The following PCDHA3 variants were observed in gnomAD, a reference collection of about 807,000 sequenced individuals.
PCDHA3 encodes the protein protocadherin alpha 3.
PCDHA3 carries 41 observed loss-of-function variants against 62.2 expected under a neutral mutation model. The observed-to-expected ratio is 0.66, with a 90% CI of 0.51 to 0.86. The LOEUF is 0.86. PCDHA3 is among the 40% of genes least tolerant of loss of function. The pLI, the probability that PCDHA3 is intolerant of heterozygous loss-of-function variation, is 0.00. For missense variants in PCDHA3, 1,304 were observed against 1,241.2 expected (o/e 1.05, Z -0.76); for synonymous variants, 640 against 555.4 (o/e 1.15, Z -2.14).
intron 1 of PCDHA3, among the ~76,000 whole-genome samples, chr5:140,898,780 C>A (rs1424563314): frequency 3.9e-5 from 6 of 152,106 alleles, no homozygotes; most frequent in African/African-American, 1.2e-4. Flanking sequence ...TTACCTTGGG[C>A]AGTATGGCCA....
intron 1 of PCDHA3, chr5:140,822,280 T>G: frequency 1.9e-6 from 3 of 1,614,246 alleles, no homozygotes; most frequent in Non-Finnish European, 2.5e-6. Context: ...ACAATTGAGA[T>G]ACAGGTTAAA....
chr5:140,936,303 T>C (rs1223461427), intron 1 of PCDHA3, among the ~76,000 whole-genome samples: 3 of 152,236 alleles, frequency 2.0e-5, no homozygotes, highest in South Asian at 2.1e-4. Flanking sequence ...TGCTATCCAA[T>C]AGAACTTTCT....
intron 1 of PCDHA3, chr5:140,856,826 G>A (rs370105926): frequency 3.8e-6 from 6 of 1,592,454 alleles, no homozygotes; most frequent in Non-Finnish European, 4.3e-6. Flanking sequence ...CCAAACATTA[G>A]TAATACGGCT....
chr5:140,991,244 G>A (rs535469323), intron 3 of PCDHA3, among the ~76,000 whole-genome samples: 2 of 152,278 alleles, frequency 1.3e-5, no homozygotes, highest in South Asian at 4.1e-4. Flanking sequence ...GGTAAAGGCA[G>A]TATTTGAACT....
intron 1 of PCDHA3, among the ~76,000 whole-genome samples, chr5:140,887,688 G>GA (rs1453843716): frequency 4.2e-4 from 64 of 151,926 alleles, no homozygotes; most frequent in Middle Eastern, 3.2e-3. Context: ...TCAAATTCAG[G>GA]AAAAAATCAA....
At chr5:140,985,557 G>A (rs1190905215) in intron 3 of PCDHA3, among the ~76,000 whole-genome samples, 1 of 152,118 alleles carries the variant, frequency 6.6e-6, no homozygotes, top group East Asian at 1.9e-4. Context: ...GCTTCCAAAA[G>A]GCTTCTTTCT....
At chr5:140,941,313 C>T (rs1585057947) in intron 1 of PCDHA3, among the ~76,000 whole-genome samples, 2 of 104,888 alleles carry the variant, frequency 1.9e-5, no homozygotes, top group Non-Finnish European at 4.0e-5. Context: ...TCTTTTTCTT[C>T]TTTCTCTTTT....
chr5:140,824,178 T>C, intron 1 of PCDHA3: 1 of 1,608,694 alleles, frequency 6.2e-7, no homozygotes, highest in Non-Finnish European at 8.5e-7. Context: ...TTTCAAATAT[T>C]AAATGTCACA....
intron 1 of PCDHA3, chr5:140,929,010 G>C (rs1554206575): frequency 6.2e-7 from 1 of 1,614,128 alleles, no homozygotes; most frequent in Non-Finnish European, 8.5e-7. Flanking sequence ...TGTGTACCAA[G>C]TTGCACCAGA....
In PCDHA3 at chr5:140,843,721, T is replaced by C. The variant is rs2150365557; in HGVS notation, c.2394+40130T>C. 8 of 1,563,020 alleles carry C rather than the reference T, an allele frequency of 5.1e-6. 1 individual carries two copies. Among genetic ancestry groups the C allele is most frequent in the Non-Finnish European group, 7.0e-6 (8 of 1,139,046 alleles). On this transcript the variant is annotated intron_variant, in intron 1 of 3. Coordinates refer to ENST00000522353, the MANE Select transcript of PCDHA3 (RefSeq NM_018906.3). ...ATGTTGATCATGGCCTCAAAGTAAG[T>C]CCATTTAAATTTAGAACTCATAAAT...
chr5:140,856,211 C>G (rs374070531), intron 1 of PCDHA3: 1 of 1,598,094 alleles, frequency 6.3e-7, no homozygotes, highest in South Asian at 1.1e-5. Flanking sequence ...GGGGCTGGAG[C>G]TGGCGGAGCT....
At chr5:140,808,052 G>A in intron 1 of PCDHA3, 2 of 1,614,034 alleles carry the variant, frequency 1.2e-6, no homozygotes, top group Non-Finnish European at 1.7e-6. Context: ...TTCGCCAAAT[G>A]TGAAATCCAA....
chr5:140,908,493 G>T (rs545927854), intron 1 of PCDHA3, among the ~76,000 whole-genome samples: 14 of 152,270 alleles, frequency 9.2e-5, no homozygotes, highest in African/African-American at 3.4e-4. Flanking sequence ...AGTTCAGGTT[G>T]CTTGGTGACT....
intron 1 of PCDHA3, chr5:140,876,785 C>T (rs1554168921): frequency 3.1e-6 from 5 of 1,614,206 alleles, no homozygotes; most frequent in Admixed American, 1.7e-5. Flanking sequence ...CTGTGGGCCA[C>T]GGCTAGAGTG....
intron 1 of PCDHA3, chr5:140,842,220 G>A: frequency 1.2e-6 from 2 of 1,613,146 alleles, no homozygotes; most frequent in Non-Finnish European, 1.7e-6. Flanking sequence ...CGAAATACGG[G>A]AGAAATAGTG....
chr5:140,850,893 G>A, intron 1 of PCDHA3: 1 of 1,574,570 alleles, frequency 6.4e-7, no homozygotes, highest in Non-Finnish European at 8.7e-7. Flanking sequence ...TGGGAAGGTG[G>A]GTTTTTCTAG....
chr5:140,824,633 A>G (rs12660016), intron 1 of PCDHA3: 1 of 102,008 alleles, frequency 9.8e-6, no homozygotes, highest in Non-Finnish European at 1.9e-5. Context: ...TTTTTTTTTT[A>G]TTTTCTGTAG....
In PCDHA3 at chr5:140,844,489, A is replaced by G. The variant is rs914075659; in HGVS notation, c.2394+40898A>G. The stretch of plus-strand genomic sequence containing the variant: ...TTTTTTGAGCCTCTATGTTTAGGAA[A>G]TGATTACTTTATTCTTGCAAGTATC... On this transcript the variant is annotated intron_variant, in intron 1 of 3. Coordinates refer to ENST00000522353, the MANE Select transcript of PCDHA3 (RefSeq NM_018906.3). Among the ~76,000 whole-genome samples, 7 of 149,414 alleles carry G rather than the reference A, an allele frequency of 4.7e-5. No individual in the cohort carries two copies. In the South Asian group the frequency reaches 1.5e-3, roughly 32 times the overall value.
At chr5:140,853,065 G>A in intron 1 of PCDHA3, 1 of 280,750 alleles carries the variant, frequency 3.6e-6, no homozygotes, top group Non-Finnish European at 5.5e-6. Context: ...ATTTTTAGTA[G>A]AGATGGGGTT....
Sources: gnomAD v4.1 joint callset for allele counts (sites outside exome capture counted in the v4.1 genomes callset) on GRCh38, gnomAD v4.1.1 for gene constraint, MANE v1.5 for transcripts, NCBI Gene and HGNC (gene_info 2026-07-23, HGNC 2026-07-21) for gene names.